Variants in DYNC2H1 observed in about 807,000 individuals in gnomAD.
DYNC2H1 encodes the protein cytoplasmic dynein 2 heavy chain 1.
DYNC2H1 carries 410 observed loss-of-function variants against 570.0 expected under a neutral mutation model. That is an observed-to-expected ratio of 0.72 (90% CI 0.66 to 0.78). DYNC2H1 has a LOEUF of 0.78. DYNC2H1 is among the 30% of genes least tolerant of loss of function. The pLI, the probability that DYNC2H1 is intolerant of heterozygous loss-of-function variation, is 0.00. For missense variants in DYNC2H1, 4,865 were observed against 5,046.4 expected, an observed-to-expected ratio of 0.96 and a Z score of 1.09; for synonymous variants, 1,688 against 1,677.6, an observed-to-expected ratio of 1.01 and a Z score of -0.15.
chr11:103,387,120 G>C (rs1486299554), intron 83 of DYNC2H1, among the ~76,000 whole-genome samples: 1 of 152,166 alleles, frequency 6.6e-6, no homozygotes, highest in Non-Finnish European at 1.5e-5. Flanking sequence ...CCCACCAACA[G>C]TGTAAAAGTG....
At chr11:103,379,185 G>C (rs1210749133) in intron 83 of DYNC2H1, among the ~76,000 whole-genome samples, 1 of 152,112 alleles carries the variant, frequency 6.6e-6, no homozygotes, top group Non-Finnish European at 1.5e-5. Flanking sequence ...CCCTAGTCTG[G>C]TTTGCCCCAG....
In DYNC2H1 at chr11:103,252,913, T is replaced by C. The variant is rs964943415; in HGVS notation, c.10043-372T>C. Among the ~76,000 whole-genome samples, 1 of 152,220 alleles carries C rather than the reference T, an allele frequency of 6.6e-6. No homozygotes were observed. Reference sequence around the variant, plus strand: ...TTAAATACTAGTGCAATAAACACTTTTAAAATGATGAATTTAGAAGTAAAG... The same window carrying C: ...TTAAATACTAGTGCAATAAACACTTCTAAAATGATGAATTTAGAAGTAAAG... On this transcript the variant is annotated intron_variant, in intron 65 of 88. Coordinates refer to ENST00000375735, the MANE Select transcript of DYNC2H1 (RefSeq NM_001377.3). This position sits in a 1 kb window ranked among gnomAD's most constrained non-coding sequence, Gnocchi z 4.6.
chr11:103,350,857 C>T (rs1383552387), intron 82 of DYNC2H1, among the ~76,000 whole-genome samples: 13 of 152,072 alleles, frequency 8.5e-5, no homozygotes, highest in Admixed American at 8.5e-4. Flanking sequence ...ACCTCATTTA[C>T]CCTTAATTAC....
At chr11:103,426,018 T>G (rs1219716502) in intron 84 of DYNC2H1, among the ~76,000 whole-genome samples, 1 of 152,118 alleles carries the variant, frequency 6.6e-6, no homozygotes, top group African/African-American at 2.4e-5. Context: ...GGTTGTGGGT[T>G]TACCAGAATG....
At chr11:103,350,959 G>A (rs1940023891) in intron 82 of DYNC2H1, among the ~76,000 whole-genome samples, 1 of 152,006 alleles carries the variant, frequency 6.6e-6, no homozygotes, top group Non-Finnish European at 1.5e-5. Context: ...CCATATTTAT[G>A]GACATTTAGT....
intron 82 of DYNC2H1, among the ~76,000 whole-genome samples, chr11:103,351,230 A>G (rs1340661248): frequency 1.3e-5 from 2 of 152,132 alleles, no homozygotes; most frequent in Non-Finnish European, 2.9e-5. Flanking sequence ...AGCTAGGGTG[A>G]CTTGATTCTT....
chr11:103,143,545 C>T (rs1418515433), intron 18 of DYNC2H1, 150 bp downstream of exon 18: 7 of 749,032 alleles, frequency 9.3e-6, no homozygotes, highest in Non-Finnish European at 1.3e-5. Context: ...CTAGGTAGGG[C>T]ATTACAGATA....
intron 87 of DYNC2H1, among the ~76,000 whole-genome samples, chr11:103,459,116 CG>C (rs1944903046): frequency 6.7e-6 from 1 of 149,712 alleles, no homozygotes; most frequent in Non-Finnish European, 1.5e-5. Context: ...GAGACCATCC[CG>C]GCTAAAACGG....
At chr11:103,117,223 TTAATA>T (rs1858447261) in intron 5 of DYNC2H1, among the ~76,000 whole-genome samples, 1 of 146,556 alleles carries the variant, frequency 6.8e-6, no homozygotes, top group African/African-American at 2.5e-5. Context: ...ATATATATAT[TTAATA>T]TATGTATATA....
intron 87 of DYNC2H1, among the ~76,000 whole-genome samples, chr11:103,460,476 C>T (rs74632088): frequency 0.054 from 6,731 of 123,556 alleles, 341 homozygotes; most frequent in East Asian, 0.26. Context: ...TACATTGGGG[C>T]AGTGGGTGGG....
chr11:103,274,134 G>GTATATA (rs144998755), intron 70 of DYNC2H1, among the ~76,000 whole-genome samples: 1 of 149,622 alleles, frequency 6.7e-6, no homozygotes, highest in African/African-American at 2.5e-5. Flanking sequence ...GTGTGTGTGT[G>GTATATA]TATATATATA....
chr11:103,325,382 T>G lies in DYNC2H1; in HGVS notation c.12039+1392T>G, dbSNP rs1938419843. ...TCTTTAATCCATCTTGAGTTGATTT[T>G]TGTATATGGTGGAAGGAGTGGGTCT... On this transcript the variant is annotated intron_variant, in intron 82 of 88. Transcript: ENST00000375735. The surrounding 1 kb of genome is among the most constrained non-coding windows in gnomAD (Gnocchi z 4.8). 6.6e-6 allele frequency among the ~76,000 whole-genome samples: 1 copy of G among 152,224 alleles called. No homozygotes were observed. Among genetic ancestry groups the G allele is most frequent in the East Asian group, 1.9e-4 (1 of 5,200 alleles).
intron 12 of DYNC2H1, among the ~76,000 whole-genome samples, chr11:103,127,647 G>T (rs1488540): frequency 0.68 from 103,564 of 152,154 alleles, 36,085 homozygotes; most frequent in Admixed American, 0.77. Flanking sequence ...AAATGCCTTA[G>T]ACTCAGCCCA....
chr11:103,231,300 G>A lies in DYNC2H1; in HGVS notation c.9394G>A (p.Glu3132Lys). The A allele has an allele frequency of 1.9e-6, 3 of 1,607,280 alleles. No individual in the cohort carries two copies. The highest frequency in any genetic ancestry group is 2.5e-6 in the Non-Finnish European group (3 of 1,177,072). ...KTEDRKRKLEELLNSVGQKVS... is the reference protein window; with the variant it reads ...KTEDRKRKLEKLLNSVGQKVS... ...TGAAGACAGAAAAAGGAAACTAGAGGAGCTTCTTAATTCTGTTGGTCAAAA... is the reference window on the plus strand; with the variant it reads ...TGAAGACAGAAAAAGGAAACTAGAGAAGCTTCTTAATTCTGTTGGTCAAAA... Residue 3132 changes from glutamate (E) to lysine (K), a missense_variant, in exon 60 of 89, where the codon GAG (glutamate) becomes AAG (lysine). Coordinates refer to ENST00000375735, the MANE Select transcript of DYNC2H1 (RefSeq NM_001377.3).
intron 70 of DYNC2H1, among the ~76,000 whole-genome samples, chr11:103,265,218 C>G (rs763070859): frequency 1.3e-5 from 2 of 151,898 alleles, no homozygotes; most frequent in African/African-American, 4.8e-5. Context: ...TTGGGGGGTG[C>G]GGTAAAAAGT....
Position 103,134,418 on chromosome 11 carries a change from A to G in DYNC2H1, c.2204A>G (p.Gln735Arg). ...LRTGLATVEA[Q>R]GFQASDMHAW... The stretch of plus-strand genomic sequence containing the variant: ...ACTGGCTTAGCAACTGTAGAAGCAC[A>G]GGTAGAGTATGTTTTATTTTGTGTG... The change falls in exon 15 of 89, where the codon CAG (glutamine) becomes CGG (arginine). Residue 735 changes from glutamine to arginine, a missense_variant and splice_region_variant. By Grantham distance (43) the Gln-to-Arg change is conservative. Around this residue, in one of 5 missense-constraint regions of DYNC2H1, gnomAD observed 1,936 missense variants for 1,962.1 expected, o/e 0.99. Coordinates refer to ENST00000375735, the MANE Select transcript of DYNC2H1 (RefSeq NM_001377.3). The G allele has an allele frequency of 6.2e-7, 1 of 1,606,554 alleles. No homozygotes were observed. The highest frequency in any genetic ancestry group is 8.5e-7 in the Non-Finnish European group (1 of 1,175,594).
At chr11:103,304,030 G>A (rs1310776544) in intron 76 of DYNC2H1, among the ~76,000 whole-genome samples, 1 of 151,428 alleles carries the variant, frequency 6.6e-6, no homozygotes, top group Non-Finnish European at 1.5e-5. Flanking sequence ...TTTGTTCAGG[G>A]TGCCTTTTTT....
Position 103,199,158 on chromosome 11 carries a change from A to G in DYNC2H1, c.7840-70A>G. 1.8e-6 allele frequency: 2 copies of G among 1,088,490 alleles called. No individual in the cohort carries two copies. The highest frequency in any genetic ancestry group is 5.1e-5 in the South Asian group (2 of 39,078). The allele number at this position is 1,088,490 out of a possible 1,614,324, so 67.4% of individuals were successfully genotyped here. On this transcript the variant is annotated intron_variant, in intron 48 of 88. Transcript: ENST00000375735. This position sits in a 1 kb window ranked among gnomAD's most constrained non-coding sequence, Gnocchi z 4.6. ...TATCAAAAATATAATATTTTAACCT[A>G]GGTAAGTAACATTTTTATTATGTAA...
chr11:103,242,910 G>A (rs568905608), intron 63 of DYNC2H1, among the ~76,000 whole-genome samples: 323 of 152,044 alleles, frequency 2.1e-3, no homozygotes, highest in African/African-American at 7.3e-3. Context: ...TGGTAGAGAC[G>A]GGGTTTCACC....
Sources: gnomAD v4.1 joint callset for allele counts (sites outside exome capture counted in the v4.1 genomes callset) on GRCh38, gnomAD v4.1.1 for gene constraint, gnomAD v4.1.1 regional missense constraint, Gnocchi (gnomAD v3.1) non-coding constraint, MANE v1.5 for transcripts, NCBI Gene and HGNC (gene_info 2026-07-23, HGNC 2026-07-21) for gene names.